The following SHISA6 variants were observed in gnomAD, a reference collection of about 807,000 sequenced individuals.
SHISA6 encodes the protein protein shisa-6.
A neutral mutation model predicts 47.9 loss-of-function variants in SHISA6; 22 were observed. The ratio of observed to expected loss-of-function variants is 0.46; its 90% confidence interval spans 0.33 to 0.66. SHISA6 has a LOEUF of 0.66. Ranked by LOEUF, SHISA6 falls within the 30% of genes least tolerant of loss-of-function variation. The probability of loss-of-function intolerance (pLI) is 0.02; values close to 1 mark genes in which losing one functional copy is unlikely to be tolerated. For synonymous variants in SHISA6, 388 were observed against 337.8 expected (o/e 1.15, Z -1.63); for missense variants, 680 against 764.6 (o/e 0.89, Z 1.30).
intron 3 of SHISA6, among the ~76,000 whole-genome samples, chr17:11,423,161 G>A (rs1369928164): frequency 6.7e-6 from 1 of 150,366 alleles, no homozygotes; most frequent in African/African-American, 2.5e-5. Flanking sequence ...GAGCAAAGTG[G>A]GAAGCATAAA....
At chr17:11,402,807 A>G (rs1913822783) in intron 3 of SHISA6, among the ~76,000 whole-genome samples, 1 of 152,232 alleles carries the variant, frequency 6.6e-6, no homozygotes, top group South Asian at 2.1e-4. Context: ...ACTGTGAGGC[A>G]CTGAGGCAGG....
intron 3 of SHISA6, among the ~76,000 whole-genome samples, chr17:11,409,689 G>A (rs1307900149): frequency 2.2e-5 from 3 of 133,374 alleles, no homozygotes; most frequent in Non-Finnish European, 3.1e-5. Context: ...CGGGGACAGA[G>A]CAAGACTCCA....
intron 1 of SHISA6, among the ~76,000 whole-genome samples, chr17:11,243,507 C>T (rs911645337): frequency 3.3e-5 from 5 of 152,132 alleles, no homozygotes; most frequent in African/African-American, 9.7e-5. Flanking sequence ...TCAGATAGTG[C>T]AGTAAGTATC....
chr17:11,489,965 G>A (rs1916434468), intron 3 of SHISA6, among the ~76,000 whole-genome samples: 1 of 152,292 alleles, frequency 6.6e-6, no homozygotes, highest in Non-Finnish European at 1.5e-5. Context: ...AGCATTCAAA[G>A]AATAGGGGTT....
At position 11,260,135 on chromosome 17, in the gene SHISA6, G is replaced by A. The variant is rs1433873710; in HGVS notation, c.639-3231G>A. Among the ~76,000 whole-genome samples, 3 of 152,060 alleles carry A rather than the reference G, an allele frequency of 2.0e-5. No homozygotes were observed. In the South Asian group the frequency reaches 6.2e-4, roughly 32 times the overall value. On this transcript the variant is annotated intron_variant, in intron 1 of 5. Coordinates refer to ENST00000441885, the MANE Select transcript of SHISA6 (RefSeq NM_207386.4). ...GTACTGAAGAAAGCTTAAGTTTCCT[G>A]GCCTGATCACAATGACTGTTTTCCC...
intron 2 of SHISA6, among the ~76,000 whole-genome samples, chr17:11,331,555 G>C (rs1389052794): frequency 6.6e-6 from 1 of 152,008 alleles, no homozygotes; most frequent in East Asian, 1.9e-4. Context: ...TAAAAACAAT[G>C]CACAGCTAAA....
chr17:11,519,812 A>C (rs763378111), intron 3 of SHISA6, among the ~76,000 whole-genome samples: 1 of 152,094 alleles, frequency 6.6e-6, no homozygotes, highest in South Asian at 2.1e-4. Flanking sequence ...ATGTATGCAA[A>C]TCCAGTAAAT....
chr17:11,279,125 C>T (rs910550016), intron 2 of SHISA6, among the ~76,000 whole-genome samples: 3 of 152,174 alleles, frequency 2.0e-5, no homozygotes, highest in Non-Finnish European at 4.4e-5. Flanking sequence ...AAGCATGCTT[C>T]CTGCAATTAT....
chr17:11,282,232 C>T (rs1434097789), intron 2 of SHISA6, among the ~76,000 whole-genome samples: 1 of 152,158 alleles, frequency 6.6e-6, no homozygotes, highest in Non-Finnish European at 1.5e-5. Flanking sequence ...CTATGTAAAT[C>T]AGCAGACACT....
In SHISA6 at chr17:11,278,716, T is replaced by C. The variant is rs560426491; in HGVS notation, c.799+15190T>C. ...CACATTTATCCCTGCCCTGCTTCTTTATTCTGCTCTGTATTCAAGCTTCGT... is the reference window on the plus strand; with the variant it reads ...CACATTTATCCCTGCCCTGCTTCTTCATTCTGCTCTGTATTCAAGCTTCGT... On this transcript the variant is annotated intron_variant, in intron 2 of 5. Coordinates refer to ENST00000441885, the MANE Select transcript of SHISA6 (RefSeq NM_207386.4). 5.9e-5 allele frequency among the ~76,000 whole-genome samples: 9 copies of C among 152,366 alleles called. No homozygotes were observed. In the South Asian group the frequency reaches 1.4e-3, roughly 25 times the overall value.
chr17:11,525,259 CAAG>C (rs2071666013), intron 3 of SHISA6, among the ~76,000 whole-genome samples: 1 of 152,082 alleles, frequency 6.6e-6, no homozygotes, highest in South Asian at 2.1e-4. Context: ...ATCATGCCCA[CAAG>C]AAGAACACAA....
At chr17:11,274,090 G>A (rs914377516) in intron 2 of SHISA6, among the ~76,000 whole-genome samples, 1 of 152,174 alleles carries the variant, frequency 6.6e-6, no homozygotes. Context: ...TGCCCAACTT[G>A]TCCCACCCTT....
At chr17:11,274,225 G>C (rs1281912895) in intron 2 of SHISA6, among the ~76,000 whole-genome samples, 1 of 152,178 alleles carries the variant, frequency 6.6e-6, no homozygotes, top group Non-Finnish European at 1.5e-5. Flanking sequence ...GTGGCCGGGG[G>C]AGAAAGGAGA....
chr17:11,446,070 C>G (rs955813211), intron 3 of SHISA6, among the ~76,000 whole-genome samples: 1 of 152,186 alleles, frequency 6.6e-6, no homozygotes, highest in Non-Finnish European at 1.5e-5. Context: ...TCGTGATCCG[C>G]CCGCCTCGGC....
intron 3 of SHISA6, among the ~76,000 whole-genome samples, chr17:11,390,383 T>C (rs1232539704): frequency 1.3e-5 from 2 of 152,108 alleles, no homozygotes; most frequent in Admixed American, 6.5e-5. Context: ...ACTCAAGCAA[T>C]GGTAGCCCTT....
chr17:11,263,215 C>T (rs1044026668), intron 1 of SHISA6, 151 bp from the exon 2 acceptor site: 1 of 786,410 alleles, frequency 1.3e-6, no homozygotes, highest in Non-Finnish European at 2.0e-6. Context: ...GAGACCAACA[C>T]CAGATGTAGC....
intron 2 of SHISA6, among the ~76,000 whole-genome samples, chr17:11,323,444 C>T (rs1021326295): frequency 1.3e-5 from 2 of 151,998 alleles, no homozygotes; most frequent in African/African-American, 2.4e-5. Context: ...CACCTGAGGT[C>T]GGGAGTTCGA....
At chr17:11,278,726 T>C (rs886782855) in intron 2 of SHISA6, among the ~76,000 whole-genome samples, 1 of 152,268 alleles carries the variant, frequency 6.6e-6, no homozygotes, top group Non-Finnish European at 1.5e-5. Flanking sequence ...TATTCTGCTC[T>C]GTATTCAAGC....
intron 2 of SHISA6, among the ~76,000 whole-genome samples, chr17:11,311,716 A>G (rs777424408): frequency 2.6e-5 from 4 of 152,096 alleles, no homozygotes; most frequent in Non-Finnish European, 5.9e-5. Flanking sequence ...ATTGTTAATT[A>G]TATTTTCTTT....
Sources: gnomAD v4.1 joint callset for allele counts (sites outside exome capture counted in the v4.1 genomes callset) on GRCh38, gnomAD v4.1.1 for gene constraint, MANE v1.5 for transcripts, NCBI Gene and HGNC (gene_info 2026-07-23, HGNC 2026-07-21) for gene names.